The following ST3GAL3 variants were observed in gnomAD, a reference collection of about 807,000 sequenced individuals.
The protein encoded by ST3GAL3 is CMP-N-acetylneuraminate-beta-1,4-galactoside alpha-2,3-sialyltransferase.
A neutral mutation model predicts 50.1 loss-of-function variants in ST3GAL3; 21 were observed. That is an observed-to-expected ratio of 0.42 (90% CI 0.30 to 0.60). The LOEUF (loss-of-function observed/expected upper bound fraction) is 0.60. Among genes scored for constraint, ST3GAL3 ranks in the 20% least tolerant of loss-of-function variants. The pLI is 0.19. For synonymous variants in ST3GAL3, 183 were observed against 190.0 expected (o/e 0.96, Z 0.30); for missense variants, 353 against 489.4 (o/e 0.72, Z 2.63).
At chr1:43,904,747 C>T (rs2078878978) in intron 9 of ST3GAL3, among the ~76,000 whole-genome samples, 1 of 131,452 alleles carries the variant, frequency 7.6e-6, no homozygotes, top group Admixed American at 7.5e-5. Flanking sequence ...GCTCCTCTTC[C>T]CACCACTCTC....
At chr1:43,816,780 T>G (rs374749407) in intron 4 of ST3GAL3, among the ~76,000 whole-genome samples, 4 of 152,216 alleles carry the variant, frequency 2.6e-5, no homozygotes, top group Non-Finnish European at 5.9e-5. Context: ...GTTAACTTGG[T>G]CTTTAGCACA....
intron 2 of ST3GAL3, among the ~76,000 whole-genome samples, chr1:43,788,999 A>C (rs1394051159): frequency 6.6e-6 from 1 of 151,920 alleles, no homozygotes; most frequent in Non-Finnish European, 1.5e-5. Context: ...GTCTGAAGAC[A>C]TGAAGGCATG....
chr1:43,813,579 A>G (rs996293905), intron 3 of ST3GAL3, among the ~76,000 whole-genome samples: 2 of 152,118 alleles, frequency 1.3e-5, no homozygotes, highest in African/African-American at 2.4e-5. Flanking sequence ...GATATCTTCA[A>G]TTTTAAGAAG....
At chr1:43,808,301 C>A (rs2060139443) in intron 3 of ST3GAL3, among the ~76,000 whole-genome samples, 3 of 82,876 alleles carry the variant, frequency 3.6e-5, no homozygotes, top group African/African-American at 1.4e-4. Flanking sequence ...GAGACTCCAT[C>A]TCAAAAAAAA....
intron 2 of ST3GAL3, among the ~76,000 whole-genome samples, chr1:43,752,555 C>T (rs919543587): frequency 1.4e-4 from 21 of 152,172 alleles, no homozygotes; most frequent in Non-Finnish European, 8.8e-5. Context: ...GGCTGGAGTG[C>T]AGTGGCACAA....
chr1:43,736,749 G>T, intron 2 of ST3GAL3: 1 of 346,894 alleles, frequency 2.9e-6, no homozygotes, highest in African/African-American at 2.1e-5. Context: ...TAGTATTGAA[G>T]TTGGTTTCCA....
At chr1:43,862,760 A>T (rs2070324108) in intron 5 of ST3GAL3, among the ~76,000 whole-genome samples, 1 of 151,928 alleles carries the variant, frequency 6.6e-6, no homozygotes, top group Non-Finnish European at 1.5e-5. Context: ...AAAAAAAAAA[A>T]AAAAAATTTA....
chr1:43,776,994 CAGGTG>C (rs1024091147), intron 2 of ST3GAL3, among the ~76,000 whole-genome samples: 2 of 152,104 alleles, frequency 1.3e-5, no homozygotes, highest in African/African-American at 4.8e-5. Context: ...ATCTTTTTCC[CAGGTG>C]AAAGGAGGAA....
In ST3GAL3 at chr1:43,899,252, C is replaced by T; in HGVS notation, c.546C>T (p.Asp182=). 6.2e-7 allele frequency: 1 copy of T among 1,614,232 alleles called. No individual in the cohort carries two copies. Among genetic ancestry groups the T allele is most frequent in the South Asian group, 1.1e-5 (1 of 91,082 alleles). ...KSLGSRIDDY[D]IVVRLNSAPV... ...TGGGGTCACGAATTGACGACTATGACATTGTGGTGAGGTGAGCTCCCCAAA... is the reference window on the plus strand; with the variant it reads ...TGGGGTCACGAATTGACGACTATGATATTGTGGTGAGGTGAGCTCCCCAAA... The change falls in exon 8 of 12, where the codon GAC becomes GAT. Residue 182 remains aspartate, a synonymous_variant. Transcript: ENST00000347631. This position sits in a 1 kb window ranked among gnomAD's most constrained non-coding sequence, Gnocchi z 5.4.
intron 1 of ST3GAL3, among the ~76,000 whole-genome samples, chr1:43,708,543 G>A (rs1224471528): frequency 6.6e-6 from 1 of 152,184 alleles, no homozygotes; most frequent in East Asian, 1.9e-4. Flanking sequence ...GACAAATTAG[G>A]TTGTTTCTAA....
intron 5 of ST3GAL3, among the ~76,000 whole-genome samples, chr1:43,845,298 T>A (rs537981727): frequency 8.6e-5 from 13 of 152,030 alleles, no homozygotes; most frequent in African/African-American, 2.6e-4. Context: ...AGTTTTTTTT[T>A]ATTATTATTA....
rs536794656 is a variant in ST3GAL3, at chr1:43,818,437, C to T, written c.209+3504C>T. 1.4e-4 allele frequency among the ~76,000 whole-genome samples: 22 copies of T among 152,332 alleles called. No individual in the cohort carries two copies. The South Asian group carries it at 3.9e-3, about 27-fold the overall frequency. The stretch of plus-strand genomic sequence containing the variant: ...TTAAGGTATTCCAGACTGGCAGTGC[C>T]TCCAAGCACCTGGCAGAAATAAATG... On this transcript the variant is annotated intron_variant, in intron 4 of 11. Coordinates refer to ENST00000347631, the MANE Select transcript of ST3GAL3 (RefSeq NM_006279.5).
intron 2 of ST3GAL3, among the ~76,000 whole-genome samples, chr1:43,790,200 T>C (rs1238027647): frequency 6.6e-6 from 1 of 152,226 alleles, no homozygotes; most frequent in African/African-American, 2.4e-5. Flanking sequence ...ATTCAGCAAA[T>C]ATTGAGTGCC....
At chr1:43,908,947 C>G (rs868263689) in intron 9 of ST3GAL3, among the ~76,000 whole-genome samples, 37 of 152,290 alleles carry the variant, frequency 2.4e-4, no homozygotes, top group African/African-American at 7.9e-4. Context: ...CACTCTTTAG[C>G]ACCCGCCATG....
At chr1:43,747,493 G>GCA (rs1684246706) in intron 2 of ST3GAL3, among the ~76,000 whole-genome samples, 1 of 151,838 alleles carries the variant, frequency 6.6e-6, no homozygotes. Context: ...CTGTCTCCAG[G>GCA]CATGCCACTC....
Position 43,899,434 on chromosome 1 carries a change from T to C in ST3GAL3, c.558-107T>C, listed in dbSNP as rs1246700976. ...AACTAGCGGGGGCACCTGGGGAGAA[T>C]AGGTCCAGGTGACCTGGACTCCCTA... On this transcript the variant is annotated intron_variant, in intron 8 of 11. Coordinates refer to ENST00000347631, the MANE Select transcript of ST3GAL3 (RefSeq NM_006279.5). This position sits in a 1 kb window ranked among gnomAD's most constrained non-coding sequence, Gnocchi z 5.4. The C allele has an allele frequency of 2.5e-6, 4 of 1,574,540 alleles. No individual in the cohort carries two copies. The highest frequency in any genetic ancestry group is 3.5e-6 in the Non-Finnish European group (4 of 1,158,004).
chr1:43,919,961 C>T (rs2082740799), intron 9 of ST3GAL3: 1 of 329,468 alleles, frequency 3.0e-6, no homozygotes, highest in Admixed American at 3.9e-5. Flanking sequence ...ATGGAGAGAG[C>T]CAGGAGAGAG....
rs534364312 is a variant in ST3GAL3 at position 43,889,079 on chromosome 1, A to G, written c.303-5304A>G. On this transcript the variant is annotated intron_variant, in intron 5 of 11. Coordinates refer to ENST00000347631, the MANE Select transcript of ST3GAL3 (RefSeq NM_006279.5). The stretch of plus-strand genomic sequence containing the variant: ...AAGGTACATAATCAATCATGGGAGT[A>G]TTATTGAGTATGTAATTATAATGGA... Among the ~76,000 whole-genome samples the G allele has an allele frequency of 6.8e-4, 103 of 152,310 alleles. 1 individual carries two copies. The highest frequency in any genetic ancestry group is 2.3e-3 in the African/African-American group (96 of 41,562).
intron 9 of ST3GAL3, among the ~76,000 whole-genome samples, chr1:43,903,582 G>A (rs1311360382): frequency 6.6e-6 from 1 of 152,204 alleles, no homozygotes; most frequent in Non-Finnish European, 1.5e-5. Flanking sequence ...GCAGGGGGAA[G>A]AGAGAGGACA....
Sources: gnomAD v4.1 joint callset for allele counts (sites outside exome capture counted in the v4.1 genomes callset) on GRCh38, gnomAD v4.1.1 for gene constraint, Gnocchi (gnomAD v3.1) non-coding constraint, MANE v1.5 for transcripts, NCBI Gene and HGNC (gene_info 2026-07-23, HGNC 2026-07-21) for gene names.